FXYD5: variants seen among roughly 807,000 people sequenced by gnomAD.
FXYD5 encodes FXYD domain containing ion transport regulator 5, also known as FXYD domain-containing ion transport regulator 5.
FXYD5 carries 21 observed loss-of-function variants against 25.7 expected under a neutral mutation model. That is an observed-to-expected ratio of 0.82 (90% CI 0.58 to 1.18). FXYD5 has a LOEUF of 1.18. FXYD5 is among the 50% of genes most tolerant of loss of function. The pLI is 0.00. For synonymous variants in FXYD5, 101 were observed against 90.7 expected (o/e 1.11, Z -0.64); for missense variants, 229 against 227.7 (o/e 1.01, Z -0.04).
Position 35,166,160 on chromosome 19 carries a change from C to T in FXYD5, c.401C>T (p.Pro134Leu). The change falls in exon 7 of 9, where the codon CCC (proline) becomes CTC (leucine). Residue 134 changes from proline to leucine, a missense_variant. By Grantham distance (98) the Pro-to-Leu change is moderately conservative (BLOSUM62 -3). Coordinates refer to ENST00000392219, the MANE Select transcript of FXYD5 (RefSeq NM_014164.6). ...LKPSGFHEDD[P>L]FFYDEHTLRK... ...TCTCCAGGTTTTCATGAGGATGACCCCTTCTTCTATGGTAAGTTATCCACA... is the reference window on the plus strand; with the variant it reads ...TCTCCAGGTTTTCATGAGGATGACCTCTTCTTCTATGGTAAGTTATCCACA... 3 of 1,613,980 alleles carry T rather than the reference C, an allele frequency of 1.9e-6. No homozygotes were observed. The highest frequency in any genetic ancestry group is 1.1e-5 in the South Asian group (1 of 91,070).
chr19:35,161,336 G>A (rs1354417370), intron 5 of FXYD5, among the ~76,000 whole-genome samples: 1 of 151,980 alleles, frequency 6.6e-6, no homozygotes, highest in African/African-American at 2.4e-5. Flanking sequence ...GCACTGTCAT[G>A]AGTGCTTTGT....
chr19:35,159,157 T>C (rs2065383218), intron 4 of FXYD5, among the ~76,000 whole-genome samples: 2 of 152,078 alleles, frequency 1.3e-5, no homozygotes, highest in South Asian at 2.1e-4. Flanking sequence ...CCTGATTTTT[T>C]CAATCGATGT....
chr19:35,161,433 C>T (rs2065405060), intron 5 of FXYD5, among the ~76,000 whole-genome samples: 1 of 152,204 alleles, frequency 6.6e-6, no homozygotes, highest in Non-Finnish European at 1.5e-5. Flanking sequence ...AACTTTAGGT[C>T]ACATACGTGG....
At chr19:35,161,918 T>C (rs2065409811) in intron 5 of FXYD5, among the ~76,000 whole-genome samples, 1 of 152,194 alleles carries the variant, frequency 6.6e-6, no homozygotes, top group South Asian at 2.1e-4. Flanking sequence ...TGTTCCAGTT[T>C]TCTAGTGATA....
rs374136501 is a variant in FXYD5 at position 35,169,644 on chromosome 19, G to A, written c.*29G>A. On this transcript the variant is annotated 3_prime_UTR_variant, in exon 9 of 9. Coordinates refer to ENST00000392219, the MANE Select transcript of FXYD5 (RefSeq NM_014164.6). Reference sequence around the variant, plus strand: ...CATCAGAAACAGGAGCTGACAACCTGCTGGGCACCCGAAGACCAAGCCCCC... The same window carrying A: ...CATCAGAAACAGGAGCTGACAACCTACTGGGCACCCGAAGACCAAGCCCCC... The A allele has an allele frequency of 7.3e-6, 11 of 1,497,688 alleles. No homozygotes were observed. In the African/African-American group the frequency reaches 1.1e-4, roughly 15 times the overall value. 92.8% of individuals were successfully genotyped at this position (1,497,688 alleles called of 1,614,324 possible). A position where few individuals can be genotyped will look rare whatever the true frequency, so the allele number is the denominator to read the frequency against.
intron 5 of FXYD5, 96 bp downstream of exon 5, chr19:35,160,897 T>A: frequency 1.3e-6 from 1 of 771,560 alleles, no homozygotes; most frequent in Non-Finnish European, 2.3e-6. Context: ...TGCCCCTGTT[T>A]GGGGAATTGT....
At chr19:35,159,942 C>T (rs1398099309) in intron 4 of FXYD5, 2 of 245,442 alleles carry the variant, frequency 8.1e-6, no homozygotes, top group East Asian at 2.2e-4. Context: ...CACAGTGGCT[C>T]ATGCCTGTCA....
At chr19:35,159,294 C>T (rs2065384302) in intron 4 of FXYD5, among the ~76,000 whole-genome samples, 1 of 152,200 alleles carries the variant, frequency 6.6e-6, no homozygotes, top group Non-Finnish European at 1.5e-5. Flanking sequence ...TGAGAGGTCC[C>T]CACTGTCAGC....
chr19:35,165,676 C>T (rs969530659), intron 6 of FXYD5, among the ~76,000 whole-genome samples: 2 of 152,014 alleles, frequency 1.3e-5, no homozygotes, highest in Non-Finnish European at 1.5e-5. Context: ...TTACCCTATT[C>T]GAGATGGAGT....
chr19:35,166,118 C>T (rs2065447970), intron 6 of FXYD5, 24 bp from the exon 7 acceptor site: 5 of 1,612,658 alleles, frequency 3.1e-6, no homozygotes, highest in African/African-American at 1.3e-5. Flanking sequence ...TGAACCCTGA[C>T]TTGCTCTTTG....
chr19:35,168,046 C>T (rs570492490), intron 8 of FXYD5, among the ~76,000 whole-genome samples: 12 of 151,772 alleles, frequency 7.9e-5, no homozygotes, highest in African/African-American at 2.9e-4. Flanking sequence ...TAGCAAGACC[C>T]TATCTCTACA....
chr19:35,164,238 G>A lies in FXYD5; in HGVS notation c.375G>A (p.Lys125=). ...TCCAGACAGACCCCCAGACCCTCAA[G>A]CCATCTGGTTAGTAACTGCCTCCCC... ...TDVQTDPQTL[K]PSGFHEDDPF... The change falls in exon 6 of 9, where the codon AAG becomes AAA. Residue 125 remains lysine (K), a synonymous_variant. Transcript: ENST00000392219. The A allele has an allele frequency of 6.2e-7, 1 of 1,610,926 alleles. No homozygotes were observed. The highest frequency in any genetic ancestry group is 8.5e-7 in the Non-Finnish European group (1 of 1,178,734).
Position 35,159,392 on chromosome 19 carries a change from A to G in FXYD5, c.199+992A>G, listed in dbSNP as rs2065385025. 5 of 1,375,762 alleles carry G rather than the reference A, an allele frequency of 3.6e-6. No individual in the cohort carries two copies. The East Asian group carries it at 1.3e-4, about 35-fold the overall frequency. The allele number at this position is 1,375,762 out of a possible 1,614,324, so 85.2% of individuals were successfully genotyped here. ...TGTGTGCTGTGTTTGTGTGAGCTTA[A>G]GGAGACCTTATGATTGTTCTGCAGC... On this transcript the variant is annotated intron_variant, in intron 4 of 8. Coordinates refer to ENST00000392219, the MANE Select transcript of FXYD5 (RefSeq NM_014164.6).
intron 8 of FXYD5, chr19:35,166,681 C>T (rs538953752): frequency 2.7e-5 from 10 of 366,346 alleles, no homozygotes; most frequent in South Asian, 2.0e-4. Flanking sequence ...GGCTTGTTCG[C>T]ATGGTGGTGG....
intron 2 of FXYD5, chr19:35,156,967 ACC>A: frequency 6.0e-6 from 1 of 166,872 alleles, no homozygotes; most frequent in Non-Finnish European, 1.3e-5. Context: ...TCCAGCACTG[ACC>A]ACATGGTAAG....
Position 35,169,766 on chromosome 19 carries a change from C to T in FXYD5, c.*151C>T, listed in dbSNP as rs143873147. 1.9e-3 allele frequency: 1,204 copies of T among 642,702 alleles called. 19 individuals are homozygous for T. In the African/African-American group the frequency reaches 0.02, roughly 10 times the overall value. The allele number at this position is 642,702 out of a possible 1,614,324, so 39.8% of individuals were successfully genotyped here. On this transcript the variant is annotated 3_prime_UTR_variant, in exon 9 of 9. Transcript: ENST00000392219. ...GAAGCTGGAGCCAGGGCTGCCGGTC[C>T]GAGTCTCCTACCTCCCCCAACCCTG...
At chr19:35,161,282 C>A (rs2065403732) in intron 5 of FXYD5, among the ~76,000 whole-genome samples, 1 of 75,626 alleles carries the variant, frequency 1.3e-5, no homozygotes, top group African/African-American at 5.9e-5. Flanking sequence ...TCTGGAAAGT[C>A]CAGAAGTAGC....
chr19:35,161,985 T>A (rs765711369), intron 5 of FXYD5, among the ~76,000 whole-genome samples: 4 of 152,188 alleles, frequency 2.6e-5, no homozygotes, highest in Non-Finnish European at 4.4e-5. Context: ...CTACAATGGA[T>A]GGAAATAAAG....
chr19:35,157,443 G>A lies in FXYD5; in HGVS notation c.84G>A (p.Thr28=), dbSNP rs148496458. 2.1e-4 allele frequency: 338 copies of A among 1,596,488 alleles called. 2 individuals are homozygous for A. Among genetic ancestry groups the A allele is most frequent in the South Asian group, 2.0e-3 (183 of 90,740 alleles). Reference sequence around the variant, plus strand: ...CAGGACAGACGTTGAAAGATACCACGTCCAGTTCTTCAGCAGACTCAACTA... The same window carrying A: ...CAGGACAGACGTTGAAAGATACCACATCCAGTTCTTCAGCAGACTCAACTA... The part of the protein sequence containing the change: ...PTRGQTLKDT[T]SSSSADSTIM... The change falls in exon 3 of 9, where the codon ACG becomes ACA. Residue 28 remains threonine, a synonymous_variant. Coordinates refer to ENST00000392219, the MANE Select transcript of FXYD5 (RefSeq NM_014164.6).
Sources: gnomAD v4.1 joint callset for allele counts (sites outside exome capture counted in the v4.1 genomes callset) on GRCh38, gnomAD v4.1.1 for gene constraint, MANE v1.5 for transcripts, NCBI Gene and HGNC (gene_info 2026-07-23, HGNC 2026-07-21) for gene names.